MAP2K1: variants seen among roughly 807,000 people sequenced by gnomAD.
MAP2K1 encodes the protein mitogen-activated protein kinase kinase 1.
A neutral mutation model predicts 46.3 loss-of-function variants in MAP2K1; 16 were observed. The ratio of observed to expected loss-of-function variants is 0.35; its 90% CI spans 0.23 to 0.52. The LOEUF is 0.52. Ranked by LOEUF, MAP2K1 falls within the 20% of genes least tolerant of loss-of-function variation. MAP2K1 has a pLI of 0.94. For missense variants in MAP2K1, 263 were observed against 497.1 expected (o/e 0.53, Z 4.48); for synonymous variants, 183 against 185.6 (o/e 0.99, Z 0.11).
intron 9 of MAP2K1, 126 bp downstream of exon 9, chr15:66,489,402 T>G: frequency 1.1e-6 from 1 of 926,570 alleles, no homozygotes; most frequent in Non-Finnish European, 1.8e-6. Context: ...CGTCTGATGA[T>G]TCTTGGCTGC....
At chr15:66,440,344 G>A (rs564242511) in intron 3 of MAP2K1, among the ~76,000 whole-genome samples, 5 of 152,094 alleles carry the variant, frequency 3.3e-5, no homozygotes, top group Non-Finnish European at 7.4e-5. Flanking sequence ...TGCCTGTCTC[G>A]GCCTCTCAAA....
At chr15:66,430,972 G>A (rs1179543349) in intron 1 of MAP2K1, among the ~76,000 whole-genome samples, 2 of 152,014 alleles carry the variant, frequency 1.3e-5, no homozygotes, top group East Asian at 1.9e-4. Context: ...TGTATTTACC[G>A]TTAGACAGCC....
intron 9 of MAP2K1, chr15:66,489,481 C>A: frequency 1.5e-6 from 1 of 668,424 alleles, no homozygotes; most frequent in Non-Finnish European, 2.7e-6. Flanking sequence ...GATGTAGTAG[C>A]TGCTCCTTTT....
chr15:66,447,851 T>C (rs1157216306), intron 5 of MAP2K1, among the ~76,000 whole-genome samples: 1 of 151,870 alleles, frequency 6.6e-6, no homozygotes, highest in South Asian at 2.1e-4. Flanking sequence ...CCTCAAGCTG[T>C]GTCCATGTAA....
At chr15:66,425,810 A>T (rs993584559) in intron 1 of MAP2K1, among the ~76,000 whole-genome samples, 1 of 152,198 alleles carries the variant, frequency 6.6e-6, no homozygotes, top group Non-Finnish European at 1.5e-5. Context: ...CAATTCCGGA[A>T]GGAAGGGCAC....
intron 1 of MAP2K1, among the ~76,000 whole-genome samples, chr15:66,393,114 G>A (rs2093360422): frequency 6.6e-6 from 1 of 152,140 alleles, no homozygotes; most frequent in South Asian, 2.1e-4. Flanking sequence ...CTCAGAAGTG[G>A]AATTGCTGGG....
chr15:66,393,201 C>G (rs1184629626), intron 1 of MAP2K1, among the ~76,000 whole-genome samples: 1 of 149,616 alleles, frequency 6.7e-6, no homozygotes, highest in Non-Finnish European at 1.5e-5. Flanking sequence ...TTTTTGAGAC[C>G]GAGTCTCACT....
rs2093342490 is a variant in MAP2K1, at chr15:66,387,055, G to A, written c.-293G>A. The A allele has an allele frequency of 8.1e-6, 3 of 372,596 alleles. No homozygotes were observed. The highest frequency in any genetic ancestry group is 9.5e-6 in the Non-Finnish European group (2 of 210,082). 23.1% of individuals were successfully genotyped at this position (372,596 alleles called of 1,614,324 possible). A position where few individuals can be genotyped will look rare whatever the true frequency, so the allele number is the denominator to read the frequency against. On this transcript the variant is annotated 5_prime_UTR_variant, in exon 1 of 11. Coordinates refer to ENST00000307102, the MANE Select transcript of MAP2K1 (RefSeq NM_002755.4). ...GACTGGTTGGTTGAGAGAGAGAGAG[G>A]AAGGGAATCCCGGGCTGCCGAACCG...
chr15:66,444,111 G>T (rs1043385888), intron 4 of MAP2K1, among the ~76,000 whole-genome samples: 1 of 150,570 alleles, frequency 6.6e-6, no homozygotes, highest in Non-Finnish European at 1.5e-5. Flanking sequence ...GTTGGTGCAT[G>T]CCTGTAATCC....
At chr15:66,413,470 T>C (rs545898438) in intron 1 of MAP2K1, among the ~76,000 whole-genome samples, 6 of 152,344 alleles carry the variant, frequency 3.9e-5, no homozygotes, top group African/African-American at 1.4e-4. Flanking sequence ...GACCTCCCTG[T>C]GTCTACCTGT....
intron 1 of MAP2K1, among the ~76,000 whole-genome samples, chr15:66,428,365 A>G (rs1028640998): frequency 4.0e-5 from 6 of 148,768 alleles, no homozygotes; most frequent in Non-Finnish European, 7.4e-5. Context: ...GAATTGGCTC[A>G]TGTGATTATG....
intron 6 of MAP2K1, among the ~76,000 whole-genome samples, chr15:66,484,257 C>T (rs888898353): frequency 5.3e-5 from 8 of 152,006 alleles, no homozygotes; most frequent in Non-Finnish European, 1.0e-4. Context: ...AAGTGATTCT[C>T]CTGCCTCAGC....
intron 4 of MAP2K1, among the ~76,000 whole-genome samples, chr15:66,444,130 C>T (rs777962646): frequency 1.3e-4 from 20 of 150,888 alleles, no homozygotes; most frequent in Non-Finnish European, 2.2e-4. Flanking sequence ...CCCAGCTACT[C>T]GGGAGGCTGA....
chr15:66,400,461 G>T lies in MAP2K1; in HGVS notation c.80+13034G>T, dbSNP rs2093378762. On this transcript the variant is annotated intron_variant, in intron 1 of 10. Coordinates refer to ENST00000307102, the MANE Select transcript of MAP2K1 (RefSeq NM_002755.4). ...GACACATTGAGAAAGCAAATCCAGA[G>T]AACACAGAGACTAGGAACAAAATGA... 5.9e-5 allele frequency among the ~76,000 whole-genome samples: 9 copies of T among 152,190 alleles called. No individual in the cohort carries two copies. The South Asian group carries it at 1.9e-3, about 31-fold the overall frequency.
At chr15:66,430,013 T>C (rs2093471160) in intron 1 of MAP2K1, among the ~76,000 whole-genome samples, 1 of 151,980 alleles carries the variant, frequency 6.6e-6, no homozygotes, top group East Asian at 1.9e-4. Context: ...TTCCCTCCTC[T>C]CCTCCTTCCC....
intron 7 of MAP2K1, among the ~76,000 whole-genome samples, chr15:66,486,774 G>A (rs144352092): frequency 2.1e-3 from 318 of 152,336 alleles, no homozygotes; most frequent in African/African-American, 7.5e-3. Context: ...GGGGCTAGAG[G>A]TAGCTGATGG....
At chr15:66,490,197 C>G in intron 10 of MAP2K1, 2 of 543,190 alleles carry the variant, frequency 3.7e-6, no homozygotes, top group South Asian at 1.9e-5. Context: ...ATAATATGCA[C>G]TAAGTCCATC....
In MAP2K1 at chr15:66,464,694, T is replaced by G. The variant is rs547656019; in HGVS notation, c.569-17061T>G. Among the ~76,000 whole-genome samples, 3 of 151,540 alleles carry G rather than the reference T, an allele frequency of 2.0e-5. No individual in the cohort carries two copies. The South Asian group carries it at 6.3e-4, about 32-fold the overall frequency. On this transcript the variant is annotated intron_variant, in intron 5 of 10. Coordinates refer to ENST00000307102, the MANE Select transcript of MAP2K1 (RefSeq NM_002755.4). The stretch of plus-strand genomic sequence containing the variant: ...GCATGCGCCACCATGACCGGCTAAT[T>G]TTGTATTTTTAGTAGAGACAGGGTT...
chr15:66,436,928 C>T (rs1294720689), intron 3 of MAP2K1, 36 bp downstream of exon 3: 1 of 1,612,660 alleles, frequency 6.2e-7, no homozygotes, highest in Middle Eastern at 1.7e-4. Context: ...GAGCAATGGC[C>T]TTAAGAGTTG....
Sources: gnomAD v4.1 joint callset for allele counts (sites outside exome capture counted in the v4.1 genomes callset) on GRCh38, gnomAD v4.1.1 for gene constraint, MANE v1.5 for transcripts, NCBI Gene and HGNC (gene_info 2026-07-23, HGNC 2026-07-21) for gene names.